COMMD1: variants seen among roughly 807,000 people sequenced by gnomAD.
The protein encoded by COMMD1 is copper metabolism domain containing 1, also known as COMM domain-containing protein 1.
Under a neutral mutation model 17.2 loss-of-function variants are expected in COMMD1, and 10 were observed. That is an observed-to-expected ratio of 0.58 (90% CI 0.36 to 0.99). The LOEUF (loss-of-function observed/expected upper bound fraction) is 0.99, where lower values mean the gene tolerates loss of function less well. COMMD1 is among the 50% of genes least tolerant of loss of function. COMMD1 has a pLI of 0.01. For missense variants in COMMD1, 270 were observed against 231.8 expected, an observed-to-expected ratio of 1.17 and a Z score of -1.07; for synonymous variants, 97 against 91.6, an observed-to-expected ratio of 1.06 and a Z score of -0.34.
intron 2 of COMMD1, among the ~76,000 whole-genome samples, chr2:62,105,544 C>CATTTAA (rs1672306660): frequency 6.6e-6 from 1 of 152,262 alleles, no homozygotes; most frequent in Non-Finnish European, 1.5e-5. Flanking sequence ...CCAGATTGGG[C>CATTTAA]TGGGTGCGGT....
chr2:61,998,389 A>G (rs1000784536), intron 1 of COMMD1, among the ~76,000 whole-genome samples: 1 of 151,740 alleles, frequency 6.6e-6, no homozygotes. Context: ...CCTCCTGAGT[A>G]GTTGGGATTA....
intron 2 of COMMD1, among the ~76,000 whole-genome samples, chr2:62,075,894 T>TA (rs1474609849): frequency 2.6e-5 from 4 of 152,086 alleles, no homozygotes. Context: ...TTGGAAGTCT[T>TA]AGAGAAAGAG....
intron 2 of COMMD1, among the ~76,000 whole-genome samples, chr2:62,004,381 G>T (rs913106692): frequency 6.6e-6 from 1 of 152,060 alleles, no homozygotes; most frequent in Non-Finnish European, 1.5e-5. Flanking sequence ...GCTCACTGCA[G>T]CCTCCACCCT....
intron 2 of COMMD1, among the ~76,000 whole-genome samples, chr2:62,042,664 G>A (rs1484218800): frequency 1.3e-5 from 2 of 152,182 alleles, no homozygotes; most frequent in African/African-American, 2.4e-5. Flanking sequence ...CCCCGGCGAC[G>A]GGCTGAAGGG....
At chr2:61,914,786 G>T (rs1012001241) in intron 1 of COMMD1, among the ~76,000 whole-genome samples, 1 of 151,526 alleles carries the variant, frequency 6.6e-6, no homozygotes, top group Non-Finnish European at 1.5e-5. Flanking sequence ...CGCATCCTGG[G>T]TTCAAGCGAT....
At chr2:62,042,744 A>G (rs13423081) in intron 2 of COMMD1, among the ~76,000 whole-genome samples, 1 of 152,030 alleles carries the variant, frequency 6.6e-6, no homozygotes, top group African/African-American at 2.4e-5. Context: ...GCTGCTAGCA[A>G]GTTGTCAACT....
chr2:62,050,094 G>T (rs1018278070), intron 2 of COMMD1, among the ~76,000 whole-genome samples: 1 of 152,094 alleles, frequency 6.6e-6, no homozygotes, highest in Non-Finnish European at 1.5e-5. Flanking sequence ...AAACACCTGG[G>T]AATCTTAATT....
chr2:61,999,087 A>G (rs1668848612), intron 1 of COMMD1, among the ~76,000 whole-genome samples: 1 of 152,240 alleles, frequency 6.6e-6, no homozygotes, highest in African/African-American at 2.4e-5. Flanking sequence ...GAAAAATGGC[A>G]CCAATAGACT....
At chr2:62,035,953 C>G (rs1429822760) in intron 2 of COMMD1, among the ~76,000 whole-genome samples, 1 of 151,754 alleles carries the variant, frequency 6.6e-6, no homozygotes, top group Non-Finnish European at 1.5e-5. Context: ...ACCCAGGAGG[C>G]TGAGGTGGGA....
intron 2 of COMMD1, among the ~76,000 whole-genome samples, chr2:62,041,476 G>C (rs1423286193): frequency 1.3e-5 from 2 of 152,150 alleles, no homozygotes; most frequent in African/African-American, 2.4e-5. Context: ...TGCTATCATA[G>C]CTCACTGCAG....
chr2:62,102,808 C>T (rs1480444209), intron 2 of COMMD1, among the ~76,000 whole-genome samples: 1 of 152,182 alleles, frequency 6.6e-6, no homozygotes, highest in Non-Finnish European at 1.5e-5. Flanking sequence ...TAGGCCATAA[C>T]ACCCTGGTTC....
intron 2 of COMMD1, among the ~76,000 whole-genome samples, chr2:62,128,764 A>G (rs1328044910): frequency 6.6e-6 from 1 of 152,028 alleles, no homozygotes; most frequent in Non-Finnish European, 1.5e-5. Context: ...CATCCTGGCT[A>G]ACATAGTGAA....
intron 2 of COMMD1, among the ~76,000 whole-genome samples, chr2:62,040,869 C>A (rs917794508): frequency 4.6e-5 from 7 of 152,188 alleles, no homozygotes; most frequent in African/African-American, 1.4e-4. Flanking sequence ...CACCACCACA[C>A]CTGGCTAGTT....
At chr2:61,983,250 C>A (rs943532666) in intron 1 of COMMD1, among the ~76,000 whole-genome samples, 2 of 145,214 alleles carry the variant, frequency 1.4e-5, no homozygotes, top group Non-Finnish European at 3.0e-5. Context: ...AGTGCAGTGG[C>A]GCAATCTTGG....
intron 2 of COMMD1, among the ~76,000 whole-genome samples, chr2:62,016,926 T>G (rs1669466460): frequency 6.6e-6 from 1 of 152,214 alleles, no homozygotes; most frequent in African/African-American, 2.4e-5. Flanking sequence ...TGTATGGATT[T>G]TTAAAAAATG....
chr2:62,125,923 C>T (rs979523661), intron 2 of COMMD1, among the ~76,000 whole-genome samples: 4 of 152,128 alleles, frequency 2.6e-5, no homozygotes, highest in South Asian at 2.1e-4. Context: ...CTCCTTCCCC[C>T]CACTTCACCC....
At chr2:61,923,019 G>T (rs1261246447) in intron 1 of COMMD1, among the ~76,000 whole-genome samples, 1 of 152,196 alleles carries the variant, frequency 6.6e-6, no homozygotes, top group Non-Finnish European at 1.5e-5. Flanking sequence ...AATGTGGAAG[G>T]CAGCAAATTG....
At chr2:61,969,793 G>C (rs1449961725) in intron 1 of COMMD1, among the ~76,000 whole-genome samples, 1 of 152,062 alleles carries the variant, frequency 6.6e-6, no homozygotes, top group African/African-American at 2.4e-5. Context: ...AGGTATTGTA[G>C]TATTGAATTT....
intron 1 of COMMD1, among the ~76,000 whole-genome samples, chr2:61,975,481 C>T (rs1427806431): frequency 1.3e-5 from 2 of 152,088 alleles, no homozygotes; most frequent in Non-Finnish European, 2.9e-5. Flanking sequence ...TTTTCCACTC[C>T]CACCAGCAGT....
Sources: allele counts gnomAD v4.1 joint callset (sites outside exome capture counted in the v4.1 genomes callset), GRCh38; gene constraint gnomAD v4.1.1; transcripts MANE v1.5; gene names NCBI Gene and HGNC (gene_info 2026-07-23, HGNC 2026-07-21).